Variants in ZCCHC24 observed in about 807,000 individuals in gnomAD.
The protein encoded by ZCCHC24 is zinc finger CCHC domain-containing protein 24.
ZCCHC24 carries 10 observed loss-of-function variants against 26.2 expected under a neutral mutation model. The ratio of observed to expected loss-of-function variants is 0.38; its 90% CI spans 0.24 to 0.65. ZCCHC24 has a LOEUF of 0.65. Ranked by LOEUF, ZCCHC24 falls within the 30% of genes least tolerant of loss-of-function variation. ZCCHC24 has a pLI of 0.54. For synonymous variants in ZCCHC24, 144 were observed against 147.1 expected, an observed-to-expected ratio of 0.98 and a Z score of 0.15; for missense variants, 243 against 329.1, an observed-to-expected ratio of 0.74 and a Z score of 2.03.
In ZCCHC24 at chr10:79,383,926, G is replaced by C. The variant is rs964880033; in HGVS notation, c.*2419C>G. On this transcript the variant is annotated 3_prime_UTR_variant, in exon 4 of 4. Transcript: ENST00000372336. ...ATCGCTAGATCTACCAACTGCAAGC[G>C]ATTGTCCCTTTTGAACGTACTAAAA... The C allele has an allele frequency of 6.5e-6, 1 of 152,676 alleles. No homozygotes were observed. The highest frequency in any genetic ancestry group is 2.4e-5 in the African/African-American group (1 of 41,418). The allele number at this position is 152,676 out of a possible 1,614,324, so 9.5% of individuals were successfully genotyped here. A position where few individuals can be genotyped will look rare whatever the true frequency, so the allele number is the denominator to read the frequency against.
intron 2 of ZCCHC24, among the ~76,000 whole-genome samples, chr10:79,426,633 A>G (rs1282834070): frequency 1.3e-5 from 2 of 152,224 alleles, no homozygotes; most frequent in East Asian, 1.9e-4. Context: ...GTAAGACACA[A>G]TGTATAAGAT....
At chr10:79,386,526 CAG>C in intron 3 of ZCCHC24, 68 bp from the exon 4 acceptor site, 1 of 1,271,900 alleles carries the variant, frequency 7.9e-7, no homozygotes, top group South Asian at 1.4e-5. Context: ...CAGAGACAGA[CAG>C]GGAGAGACAC....
At position 79,445,348 on chromosome 10, in the gene ZCCHC24, C is replaced by G; in HGVS notation, c.93G>C (p.Thr31=). The change falls in exon 1 of 4, where the codon ACG becomes ACC. Residue 31 remains threonine (T), a synonymous_variant. Transcript: ENST00000372336. ...AGGCATCGAAGGCGCTAGCCTGGTG[C>G]GTGTCCTGCAGCGACAGGTAGACCC... is the stretch of plus-strand genomic sequence containing the variant. ...LNWVYLSLQD[T]HQASAFDAFR... 6.5e-7 allele frequency: 1 copy of G among 1,536,560 alleles called. No homozygotes were observed. Among genetic ancestry groups the G allele is most frequent in the Non-Finnish European group, 8.7e-7 (1 of 1,144,412 alleles).
At chr10:79,428,477 A>AGTTT (rs1554842186) in intron 2 of ZCCHC24, among the ~76,000 whole-genome samples, 1 of 70,468 alleles carries the variant, frequency 1.4e-5, no homozygotes, top group Non-Finnish European at 3.2e-5. Flanking sequence ...GATAAATTTC[A>AGTTT]GTTTTGCAAG....
chr10:79,387,737 A>C (rs1206814792), intron 3 of ZCCHC24, among the ~76,000 whole-genome samples: 1 of 152,156 alleles, frequency 6.6e-6, no homozygotes, highest in African/African-American at 2.4e-5. Flanking sequence ...AAAGTAGTAT[A>C]CTGGCTTCTC....
At chr10:79,399,954 T>G (rs968649634) in intron 2 of ZCCHC24, among the ~76,000 whole-genome samples, 1 of 152,152 alleles carries the variant, frequency 6.6e-6, no homozygotes, top group Non-Finnish European at 1.5e-5. Context: ...AGAACAAGTA[T>G]CAGGGAGGCT....
intron 3 of ZCCHC24, 21 bp from the exon 4 acceptor site, chr10:79,386,479 G>C (rs374859358): frequency 2.6e-6 from 4 of 1,567,050 alleles, no homozygotes; most frequent in Non-Finnish European, 1.7e-6. Context: ...AAGGAGGAAG[G>C]GGCCCAGGGG....
At chr10:79,444,266 A>C in intron 1 of ZCCHC24, 1 of 1,433,454 alleles carries the variant, frequency 7.0e-7, no homozygotes, top group Non-Finnish European at 9.2e-7. Flanking sequence ...GGAGGGGAGG[A>C]GTCCAGCCCA....
Position 79,386,343 on chromosome 10 carries a change from C to T in ZCCHC24, c.*2G>A, listed in dbSNP as rs370002671. On this transcript the variant is annotated 3_prime_UTR_variant, in exon 4 of 4. Coordinates refer to ENST00000372336, the MANE Select transcript of ZCCHC24 (RefSeq NM_153367.4). ...TGGCTCTGGGTGCGGGCGGGCAGCCCGTCACTGCACGCGACGGCAGTAGTA... is the reference window on the plus strand; with the variant it reads ...TGGCTCTGGGTGCGGGCGGGCAGCCTGTCACTGCACGCGACGGCAGTAGTA... 2.5e-5 allele frequency: 41 copies of T among 1,612,124 alleles called. No individual in the cohort carries two copies. The highest frequency in any genetic ancestry group is 2.5e-4 in the African/African-American group (19 of 75,038).
At chr10:79,407,131 C>T (rs1287857479) in intron 2 of ZCCHC24, among the ~76,000 whole-genome samples, 3 of 152,230 alleles carry the variant, frequency 2.0e-5, no homozygotes, top group Non-Finnish European at 2.9e-5. Flanking sequence ...GCTGGACACA[C>T]GCCCCGCAAC....
intron 2 of ZCCHC24, among the ~76,000 whole-genome samples, chr10:79,428,117 C>A (rs1737084012): frequency 6.6e-6 from 1 of 152,178 alleles, no homozygotes; most frequent in Admixed American, 6.5e-5. Context: ...TGGAAGCAAT[C>A]CAGTTGTCCA....
Position 79,386,267 on chromosome 10 carries a change from A to G in ZCCHC24, c.*78T>C. ...GCACCCCATGCACAGGGCGACACGC[A>G]GCCCCTCGGAGTAGCACAGGGAAGC... On this transcript the variant is annotated 3_prime_UTR_variant, in exon 4 of 4. Coordinates refer to ENST00000372336, the MANE Select transcript of ZCCHC24 (RefSeq NM_153367.4). 7.2e-7 allele frequency: 1 copy of G among 1,385,300 alleles called. No homozygotes were observed. Among genetic ancestry groups the G allele is most frequent in the Non-Finnish European group, 1.0e-6 (1 of 990,212 alleles). 85.8% of individuals were successfully genotyped at this position (1,385,300 alleles called of 1,614,324 possible). A position where few individuals can be genotyped will look rare whatever the true frequency, so the allele number is the denominator to read the frequency against.
chr10:79,413,246 G>A (rs1041483243), intron 2 of ZCCHC24, among the ~76,000 whole-genome samples: 11 of 152,180 alleles, frequency 7.2e-5, no homozygotes, highest in East Asian at 1.9e-4. Flanking sequence ...ACCATCCACC[G>A]GCCCACAGCA....
chr10:79,398,045 C>T (rs1157890821), intron 2 of ZCCHC24, among the ~76,000 whole-genome samples: 12 of 152,250 alleles, frequency 7.9e-5, no homozygotes, highest in Non-Finnish European at 7.3e-5. Context: ...AAGCAGCCGT[C>T]TGGAGCCGTC....
chr10:79,436,039 A>G (rs1408317979), intron 1 of ZCCHC24, among the ~76,000 whole-genome samples: 1 of 152,150 alleles, frequency 6.6e-6, no homozygotes, highest in Non-Finnish European at 1.5e-5. Context: ...CTGCTTTCCT[A>G]GGGTCCAGAC....
At chr10:79,420,922 TA>T (rs920022462) in intron 2 of ZCCHC24, among the ~76,000 whole-genome samples, 1 of 152,228 alleles carries the variant, frequency 6.6e-6, no homozygotes, top group Non-Finnish European at 1.5e-5. Context: ...TAGGATGTTT[TA>T]ATATCTTCAT....
At chr10:79,391,329 C>T (rs955063737) in intron 3 of ZCCHC24, among the ~76,000 whole-genome samples, 6 of 152,014 alleles carry the variant, frequency 3.9e-5, no homozygotes, top group African/African-American at 7.3e-5. Context: ...CAGGTGGGGC[C>T]GTTGCCAGCT....
chr10:79,445,165 C>T, intron 1 of ZCCHC24, 30 bp downstream of exon 1: 1 of 584,808 alleles, frequency 1.7e-6, no homozygotes, highest in Non-Finnish European at 2.0e-6. Flanking sequence ...GGCGGTGGGG[C>T]GGTGGGCGGG....
At chr10:79,407,815 G>A (rs999628433) in intron 2 of ZCCHC24, among the ~76,000 whole-genome samples, 8 of 152,228 alleles carry the variant, frequency 5.3e-5, no homozygotes, top group African/African-American at 1.7e-4. Context: ...AGGACAGTGA[G>A]GCTGCTGGGC....
Sources: gnomAD v4.1 joint callset for allele counts (sites outside exome capture counted in the v4.1 genomes callset) on GRCh38, gnomAD v4.1.1 for gene constraint, MANE v1.5 for transcripts, NCBI Gene and HGNC (gene_info 2026-07-23, HGNC 2026-07-21) for gene names.